DNAH8: variants seen among roughly 807,000 people sequenced by gnomAD.
The protein encoded by DNAH8 is axonemal beta dynein heavy chain 8.
Under a neutral mutation model 562.1 loss-of-function variants are expected in DNAH8, and 382 were observed. The observed-to-expected ratio is 0.68, with a 90% CI of 0.63 to 0.74. The LOEUF (loss-of-function observed/expected upper bound fraction) is 0.74, where lower values mean the gene tolerates loss of function less well. Among genes scored for constraint, DNAH8 ranks in the 30% least tolerant of loss-of-function variants. The pLI is 0.00. For synonymous variants in DNAH8, 1,881 were observed against 1,919.4 expected, an observed-to-expected ratio of 0.98 and a Z score of 0.52; for missense variants, 5,203 against 5,620.4, an observed-to-expected ratio of 0.93 and a Z score of 2.37.
At chr6:38,738,679 G>T (rs557548839) in intron 7 of DNAH8, among the ~76,000 whole-genome samples, 1 of 152,240 alleles carries the variant, frequency 6.6e-6, no homozygotes, top group Non-Finnish European at 1.5e-5. Context: ...TCTTGACCAG[G>T]CAGGAGGTAC....
At chr6:38,924,635 A>T (rs1781969264) in intron 73 of DNAH8, among the ~76,000 whole-genome samples, 1 of 152,126 alleles carries the variant, frequency 6.6e-6, no homozygotes, top group Admixed American at 6.5e-5. Flanking sequence ...GTTTTAAGTA[A>T]TCTTGCTTCC....
At chr6:38,852,670 G>A in intron 39 of DNAH8, 24 bp from the exon 40 acceptor site, 1 of 1,557,386 alleles carries the variant, frequency 6.4e-7, no homozygotes, top group Non-Finnish European at 8.8e-7. Flanking sequence ...AGCCTCATGT[G>A]TGACGTTTTC....
At chr6:38,769,489 G>A (rs72849157) in intron 11 of DNAH8, among the ~76,000 whole-genome samples, 18,654 of 152,186 alleles carry the variant, frequency 0.12, 1,396 homozygotes, top group Admixed American at 0.22. Flanking sequence ...ATTATTCTCA[G>A]ATCTGAATAT....
At chr6:38,964,989 TGGAGG>T (rs1319123284) in intron 82 of DNAH8, among the ~76,000 whole-genome samples, 102 of 152,070 alleles carry the variant, frequency 6.7e-4, no homozygotes, top group African/African-American at 2.2e-3. Context: ...TCTTGAACCC[TGGAGG>T]TGGAGGTTGC....
At chr6:38,745,639 T>C (rs777760958) in intron 8 of DNAH8, among the ~76,000 whole-genome samples, 12 of 152,212 alleles carry the variant, frequency 7.9e-5, no homozygotes, top group Non-Finnish European at 1.6e-4. Context: ...TTTCCACTTA[T>C]GTATTTTTAT....
intron 21 of DNAH8, among the ~76,000 whole-genome samples, chr6:38,801,100 C>T (rs1300905264): frequency 6.6e-6 from 1 of 151,968 alleles, no homozygotes; most frequent in African/African-American, 2.4e-5. Context: ...CTTTTGGTGT[C>T]ACATCTAAGA....
chr6:38,919,832 A>C (rs955721000), intron 70 of DNAH8, among the ~76,000 whole-genome samples: 2 of 152,174 alleles, frequency 1.3e-5, no homozygotes, highest in Non-Finnish European at 2.9e-5. Flanking sequence ...GCCCTTACAT[A>C]CATCAAAGAA....
At chr6:38,859,229 T>C (rs1678640) in intron 42 of DNAH8, among the ~76,000 whole-genome samples, 103,303 of 152,044 alleles carry the variant, frequency 0.68, 35,580 homozygotes, top group East Asian at 0.84. Flanking sequence ...AGTAGCTGGC[T>C]GAGAGCATCC....
Position 38,878,282 on chromosome 6 carries a change from G to T in DNAH8, c.7858+2454G>T, listed in dbSNP as rs139125839. ...ACAGCAGAATATACATTTTTTTCCA[G>T]TGCACGGAAAACACTTACCAAGATA... On this transcript the variant is annotated intron_variant, in intron 53 of 92. Transcript: ENST00000327475. 8.3e-4 allele frequency among the ~76,000 whole-genome samples: 127 copies of T among 152,242 alleles called. 1 individual carries two copies. The highest frequency in any genetic ancestry group is 2.8e-3 in the African/African-American group (116 of 41,548).
At position 38,755,789 on chromosome 6, in the gene DNAH8, C is replaced by G. The variant is rs1765850547; in HGVS notation, c.1408-183C>G. ...TATTACCTTAGTTTGTTTGTCAAAACTAATGTCCTGTTATCTGTTCCAGGG... is the reference window on the plus strand; with the variant it reads ...TATTACCTTAGTTTGTTTGTCAAAAGTAATGTCCTGTTATCTGTTCCAGGG... On this transcript the variant is annotated intron_variant, in intron 9 of 92. Coordinates refer to ENST00000327475, the MANE Select transcript of DNAH8 (RefSeq NM_001206927.2). 3.3e-5 allele frequency among the ~76,000 whole-genome samples: 5 copies of G among 152,248 alleles called. No homozygotes were observed. The South Asian group carries it at 1.0e-3, about 32-fold the overall frequency.
intron 91 of DNAH8, among the ~76,000 whole-genome samples, chr6:39,023,799 T>G (rs1440918254): frequency 6.6e-6 from 1 of 152,238 alleles, no homozygotes; most frequent in Non-Finnish European, 1.5e-5. Context: ...CTTCTCTACG[T>G]TCTCTGAACA....
intron 77 of DNAH8, 114 bp from the exon 78 acceptor site, chr6:38,937,860 C>A: frequency 7.8e-7 from 1 of 1,286,224 alleles, no homozygotes. Flanking sequence ...GTCTTCCTGA[C>A]TTTGGAGACA....
chr6:38,861,350 A>G (rs1245193120), intron 43 of DNAH8, among the ~76,000 whole-genome samples: 3 of 152,188 alleles, frequency 2.0e-5, no homozygotes, highest in Non-Finnish European at 4.4e-5. Context: ...CATATTAAGC[A>G]TCGTGTCTCA....
intron 22 of DNAH8, among the ~76,000 whole-genome samples, chr6:38,803,890 C>G (rs1173963428): frequency 6.6e-6 from 1 of 151,758 alleles, no homozygotes; most frequent in Non-Finnish European, 1.5e-5. Flanking sequence ...AGGAAGAAAA[C>G]ATGATATGGA....
chr6:38,780,136 T>C, intron 15 of DNAH8, 71 bp downstream of exon 15: 1 of 1,403,130 alleles, frequency 7.1e-7, no homozygotes. Context: ...ATATTTGCCA[T>C]CATTGTCTCA....
At chr6:38,855,709 G>C (rs1378641250) in intron 41 of DNAH8, among the ~76,000 whole-genome samples, 1 of 152,056 alleles carries the variant, frequency 6.6e-6, no homozygotes, top group Admixed American at 6.5e-5. Flanking sequence ...TTATCCTACA[G>C]TGGTATAGAA....
chr6:38,935,514 A>G (rs934826745), intron 76 of DNAH8, 78 bp from the exon 77 acceptor site: 19 of 963,952 alleles, frequency 2.0e-5, no homozygotes, highest in Non-Finnish European at 2.9e-5. Context: ...AAAATTGTTA[A>G]TAAACACTAG....
intron 91 of DNAH8, among the ~76,000 whole-genome samples, chr6:39,017,796 G>T (rs1452820869): frequency 1.3e-5 from 2 of 152,146 alleles, no homozygotes; most frequent in African/African-American, 2.4e-5. Context: ...CTTGCATTCT[G>T]TAAAAATAAT....
intron 13 of DNAH8, among the ~76,000 whole-genome samples, chr6:38,776,732 G>A (rs1310236201): frequency 1.3e-5 from 2 of 152,170 alleles, no homozygotes; most frequent in Non-Finnish European, 2.9e-5. Context: ...GTGTGTCATA[G>A]ATTAAGAGAC....
Sources: gnomAD v4.1 joint callset for allele counts (sites outside exome capture counted in the v4.1 genomes callset) on GRCh38, gnomAD v4.1.1 for gene constraint, MANE v1.5 for transcripts, NCBI Gene and HGNC (gene_info 2026-07-23, HGNC 2026-07-21) for gene names.